The following PTPN11 variants were observed in gnomAD, a reference collection of about 807,000 sequenced individuals.
The protein encoded by PTPN11 is tyrosine-protein phosphatase non-receptor type 11.
In PTPN11, 6 loss-of-function variants were observed where a neutral mutation model predicts 78.8. The observed-to-expected ratio is 0.08, with a 90% confidence interval of 0.04 to 0.15. The LOEUF (loss-of-function observed/expected upper bound fraction) is 0.15, where lower values mean the gene tolerates loss of function less well. PTPN11 is among the 10% of genes least tolerant of loss of function. The probability of loss-of-function intolerance (pLI) is 1.00; values close to 1 mark genes in which losing one functional copy is unlikely to be tolerated. For missense variants in PTPN11, 386 were observed against 744.8 expected, an observed-to-expected ratio of 0.52 and a Z score of 5.61; for synonymous variants, 221 against 263.5, an observed-to-expected ratio of 0.84 and a Z score of 1.56.
chr12:112,430,071 A>T (rs925859599), intron 1 of PTPN11, among the ~76,000 whole-genome samples: 1 of 151,184 alleles, frequency 6.6e-6, no homozygotes, highest in Non-Finnish European at 1.5e-5. Context: ...CCCAGGCTGG[A>T]GTGCAGTGGC....
At chr12:112,481,793 G>C (rs1276694766) in intron 9 of PTPN11, among the ~76,000 whole-genome samples, 2 of 151,538 alleles carry the variant, frequency 1.3e-5, no homozygotes, top group African/African-American at 2.4e-5. Flanking sequence ...CGCCCCAGCT[G>C]ATTCTTTACA....
chr12:112,454,803 C>A, intron 5 of PTPN11, 123 bp downstream of exon 5: 1 of 698,344 alleles, frequency 1.4e-6, no homozygotes, highest in Non-Finnish European at 2.6e-6. Context: ...CCCATTGCAG[C>A]TTCAACTATC....
intron 1 of PTPN11, among the ~76,000 whole-genome samples, chr12:112,420,752 G>A (rs763334206): frequency 6.6e-6 from 1 of 152,210 alleles, no homozygotes; most frequent in African/African-American, 2.4e-5. Context: ...CTGAGAACTC[G>A]TAGGAAGTGA....
intron 4 of PTPN11, among the ~76,000 whole-genome samples, chr12:112,454,362 T>C (rs1282319470): frequency 6.6e-5 from 10 of 152,158 alleles, no homozygotes; most frequent in African/African-American, 2.2e-4. Flanking sequence ...TCAAATGATC[T>C]GCCCGCCTTG....
intron 6 of PTPN11, among the ~76,000 whole-genome samples, chr12:112,468,016 G>C (rs999695900): frequency 2.0e-5 from 3 of 152,160 alleles, no homozygotes; most frequent in Admixed American, 6.5e-5. Context: ...GATCTGTTTA[G>C]ACTCCTGCAG....
intron 10 of PTPN11, among the ~76,000 whole-genome samples, chr12:112,485,804 A>G (rs1351121102): frequency 6.6e-6 from 1 of 152,056 alleles, no homozygotes. Context: ...TGGCGAAAGA[A>G]ACCCCATCGC....
chr12:112,486,894 G>C, intron 11 of PTPN11: 1 of 1,403,272 alleles, frequency 7.1e-7, no homozygotes, highest in East Asian at 2.7e-5. Context: ...GAGTCCACCA[G>C]AAGTTGTGCA....
chr12:112,447,762 A>G (rs1407227752), intron 2 of PTPN11, among the ~76,000 whole-genome samples: 1 of 150,616 alleles, frequency 6.6e-6, no homozygotes, highest in African/African-American at 2.4e-5. Flanking sequence ...GGCCTCCCAA[A>G]GTGCTGGAAT....
chr12:112,433,910 A>G (rs1194545704), intron 1 of PTPN11, among the ~76,000 whole-genome samples: 1 of 152,118 alleles, frequency 6.6e-6, no homozygotes, highest in Non-Finnish European at 1.5e-5. Flanking sequence ...GTGAGCCATG[A>G]TTGTGCCACT....
Position 112,418,968 on chromosome 12 carries a change from TGGAG to T in PTPN11, c.-141_-138del. The T allele has an allele frequency of 1.0e-6, 1 of 990,840 alleles. No homozygotes were observed. Among genetic ancestry groups the T allele is most frequent in the Non-Finnish European group, 1.5e-6 (1 of 663,604 alleles). The allele number at this position is 990,840 out of a possible 1,614,324, so 61.4% of individuals were successfully genotyped here. ...GCACAGTCTCCGGGATCCCCAGGCC[TGGAG>T]GGGGGTCTGTGCGCGGCCGGCTGGC... On this transcript the variant is annotated 5_prime_UTR_variant, in exon 1 of 16. Transcript: ENST00000351677.
chr12:112,438,621 G>T (rs1465765937), intron 1 of PTPN11, among the ~76,000 whole-genome samples: 1 of 151,882 alleles, frequency 6.6e-6, no homozygotes, highest in Non-Finnish European at 1.5e-5. Flanking sequence ...AGCTGAGACT[G>T]CAGGTGCATG....
intron 13 of PTPN11, among the ~76,000 whole-genome samples, chr12:112,496,859 G>T (rs1441821627): frequency 6.6e-6 from 1 of 152,182 alleles, no homozygotes; most frequent in Non-Finnish European, 1.5e-5. Flanking sequence ...CTCTCTGAGT[G>T]AATCATATTG....
In PTPN11 at chr12:112,443,400, C is replaced by T. The variant is rs138076567; in HGVS notation, c.15-2876C>T. ...GGAGATGGAATTTTGCTTATGTTGC[C>T]CAGGCTGGAGTATAATGATGCGATC... On this transcript the variant is annotated intron_variant, in intron 1 of 15. Transcript: ENST00000351677. 3.0e-3 allele frequency among the ~76,000 whole-genome samples: 460 copies of T among 150,934 alleles called. 4 individuals carry two copies. The highest frequency in any genetic ancestry group is 5.0e-3 in the Non-Finnish European group (337 of 67,824).
chr12:112,427,075 G>A (rs1163952855), intron 1 of PTPN11, among the ~76,000 whole-genome samples: 1 of 152,120 alleles, frequency 6.6e-6, no homozygotes, highest in African/African-American at 2.4e-5. Flanking sequence ...GTGAAACCCT[G>A]TCTCTACAGA....
chr12:112,441,451 CAG>C (rs1414047025), intron 1 of PTPN11, among the ~76,000 whole-genome samples: 1 of 151,430 alleles, frequency 6.6e-6, no homozygotes, highest in Non-Finnish European at 1.5e-5. Flanking sequence ...TTTGTAGAGA[CAG>C]GGTTTTGCCA....
intron 6 of PTPN11, among the ~76,000 whole-genome samples, chr12:112,462,513 GC>G (rs1440967161): frequency 6.6e-6 from 1 of 151,986 alleles, no homozygotes; most frequent in African/African-American, 2.4e-5. Flanking sequence ...ACAAATACTG[GC>G]TTTGATAGTC....
Position 112,507,270 on chromosome 12 carries a change from G to A in PTPN11, c.*1478G>A, listed in dbSNP as rs1566194986. The A allele has an allele frequency of 6.5e-6, 1 of 152,760 alleles. No homozygotes were observed. The highest frequency in any genetic ancestry group is 1.5e-5 in the Non-Finnish European group (1 of 68,344). 9.5% of individuals were successfully genotyped at this position (152,760 alleles called of 1,614,324 possible). A position where few individuals can be genotyped will look rare whatever the true frequency, so the allele number is the denominator to read the frequency against. ...AGAGAGGGCCTTCAAGAAGCTTCCT[G>A]AATGATTTCTGCTAGCCCTGAGCCT... On this transcript the variant is annotated 3_prime_UTR_variant, in exon 16 of 16. Transcript: ENST00000351677.
At chr12:112,423,867 C>T (rs1159734701) in intron 1 of PTPN11, among the ~76,000 whole-genome samples, 1 of 151,792 alleles carries the variant, frequency 6.6e-6, no homozygotes, top group African/African-American at 2.4e-5. Context: ...CCATCTCAGC[C>T]TCCTGAGTAG....
chr12:112,458,195 T>TTTTTG (rs1167335007), intron 6 of PTPN11, among the ~76,000 whole-genome samples: 1 of 151,964 alleles, frequency 6.6e-6, no homozygotes, highest in Non-Finnish European at 1.5e-5. Context: ...CATACCACAG[T>TTTTTG]TTTTGTTTTG....
Sources: gnomAD v4.1 joint callset for allele counts (sites outside exome capture counted in the v4.1 genomes callset) on GRCh38, gnomAD v4.1.1 for gene constraint, MANE v1.5 for transcripts, NCBI Gene and HGNC (gene_info 2026-07-23, HGNC 2026-07-21) for gene names.